AFF1: variants seen among roughly 807,000 people sequenced by gnomAD.
AFF1 encodes the protein ALF transcription elongation factor 1, also known as AF4/FMR2 family member 1.
AFF1 carries 48 observed loss-of-function variants against 121.7 expected under a neutral mutation model. The ratio of observed to expected loss-of-function variants is 0.39; its 90% CI spans 0.31 to 0.50. The LOEUF is 0.50. AFF1 is among the 20% of genes least tolerant of loss of function. The pLI, the probability that AFF1 is intolerant of heterozygous loss-of-function variation, is 0.76. For synonymous variants in AFF1, 613 were observed against 563.0 expected (o/e 1.09, Z -1.26); for missense variants, 1,523 against 1,511.7 (o/e 1.01, Z -0.12).
At chr4:87,069,668 C>G (rs889092608) in intron 4 of AFF1, among the ~76,000 whole-genome samples, 12 of 149,928 alleles carry the variant, frequency 8.0e-5, no homozygotes, top group African/African-American at 2.3e-4. Context: ...TCCTTTCTTT[C>G]ATTTTACTGA....
Position 87,126,224 on chromosome 4 carries a change from G to C in AFF1, c.2699G>C (p.Gly900Ala). 2 of 1,614,100 alleles carry C rather than the reference G, an allele frequency of 1.2e-6. No homozygotes were observed. Among genetic ancestry groups the C allele is most frequent in the Non-Finnish European group, 1.7e-6 (2 of 1,180,012 alleles). ...KRSRREADTC[G>A]QDPPKSASST... is the part of the protein sequence containing the mutation. ...TCAAGGCGGGAAGCAGACACCTGTG[G>C]CCAGGACCCTCCCAAAAGTGCCAGC... Residue 900 changes from glycine (G) to alanine (A), a missense_variant, in exon 14 of 21, where the codon GGC becomes GCC. Physicochemically the swap from Gly to Ala is moderately conservative, Grantham distance 60. Coordinates refer to ENST00000395146, the MANE Select transcript of AFF1 (RefSeq NM_001166693.3).
intron 11 of AFF1, 40 bp from the exon 12 acceptor site, chr4:87,114,327 A>G: frequency 6.6e-7 from 1 of 1,518,392 alleles, no homozygotes. Context: ...ATTTGTCATC[A>G]ATGGTCAGTT....
At chr4:87,007,326 A>ATGGTGAGCG (rs1387905347) in intron 2 of AFF1, 1 of 1,604,978 alleles carries the variant, frequency 6.2e-7, no homozygotes, top group Non-Finnish European at 8.5e-7. Flanking sequence ...GCTCCGCCAA[A>ATGGTGAGCG]TGGTGAGCGC....
intron 2 of AFF1, among the ~76,000 whole-genome samples, chr4:87,043,127 A>G (rs1487905455): frequency 6.6e-6 from 1 of 152,196 alleles, no homozygotes; most frequent in Non-Finnish European, 1.5e-5. Context: ...CAAAGGTAGC[A>G]TTTATTTAGA....
At chr4:86,950,254 C>T in intron 2 of AFF1, 3 of 784,066 alleles carry the variant, frequency 3.8e-6, no homozygotes, top group South Asian at 3.0e-5. Context: ...TCTTGGCTCA[C>T]TGCAACCTCT....
At position 87,069,816 on chromosome 4, in the gene AFF1, A is replaced by ATTTT. The variant is rs751029258; in HGVS notation, c.1060-14287_1060-14284dup. Among the ~76,000 whole-genome samples the ATTTT allele has an allele frequency of 3.1e-4, 37 of 121,290 alleles. 1 individual carries two copies. The highest frequency in any genetic ancestry group is 4.2e-4 in the Non-Finnish European group (25 of 60,240). The allele number at this position is 121,290 out of a possible 152,430, so 79.6% of individuals were successfully genotyped here. On this transcript the variant is annotated intron_variant, in intron 4 of 20. Transcript: ENST00000395146. ...AATAAGGTATTCCTTATCACTCAGG[A>ATTTT]TTTTTTTTTTTTTTTTTTTTGAGAC...
At position 87,131,947 on chromosome 4, in the gene AFF1, C is replaced by T. The variant is rs563327897; in HGVS notation, c.3173+83C>T. On this transcript the variant is annotated intron_variant, in intron 18 of 20. Coordinates refer to ENST00000395146, the MANE Select transcript of AFF1 (RefSeq NM_001166693.3). ...ACAAAAAGATTCTGAAATTTGTTTT[C>T]TTAATGTGAAAATTATGAAAAGCAA... 2.5e-6 allele frequency: 3 copies of T among 1,218,978 alleles called. No individual in the cohort carries two copies. The South Asian group carries it at 4.9e-5, about 20-fold the overall frequency. 75.5% of individuals were successfully genotyped at this position (1,218,978 alleles called of 1,614,324 possible). A position where few individuals can be genotyped will look rare whatever the true frequency, so the allele number is the denominator to read the frequency against.
chr4:87,124,909 G>C lies in AFF1; in HGVS notation c.2467-128G>C, dbSNP rs541564776. 6 of 606,456 alleles carry C rather than the reference G, an allele frequency of 9.9e-6. No homozygotes were observed. The Admixed American group carries it at 1.6e-4, about 17-fold the overall frequency. The allele number at this position is 606,456 out of a possible 1,614,324, so 37.6% of individuals were successfully genotyped here. ...AGACACACATGGTAAGTACTAAGAAGGTTGCTGTGCGTACAGAGATGTCTC... is the reference window on the plus strand; with the variant it reads ...AGACACACATGGTAAGTACTAAGAACGTTGCTGTGCGTACAGAGATGTCTC... On this transcript the variant is annotated intron_variant, in intron 12 of 20. Coordinates refer to ENST00000395146, the MANE Select transcript of AFF1 (RefSeq NM_001166693.3).
At chr4:87,098,404 C>T (rs1379847812) in intron 8 of AFF1, among the ~76,000 whole-genome samples, 3 of 152,130 alleles carry the variant, frequency 2.0e-5, no homozygotes, top group Non-Finnish European at 4.4e-5. Flanking sequence ...AATCCTCTTC[C>T]TTTCCAAGGC....
At chr4:86,988,380 CTT>C (rs113067662) in intron 2 of AFF1, among the ~76,000 whole-genome samples, 1 of 147,816 alleles carries the variant, frequency 6.8e-6, no homozygotes, top group South Asian at 2.1e-4. Flanking sequence ...GTTAGATCAA[CTT>C]TTTTTTTTTA....
intron 4 of AFF1, chr4:87,048,138 T>G (rs754762452): frequency 6.4e-6 from 1 of 156,916 alleles, no homozygotes. Flanking sequence ...TAGAAGGACT[T>G]GTTCCCTGTA....
intron 2 of AFF1, among the ~76,000 whole-genome samples, chr4:87,022,716 GTGTATATA>G: frequency 6.8e-6 from 1 of 146,332 alleles, no homozygotes; most frequent in Non-Finnish European, 1.5e-5. Context: ...ATATATCTGT[GTGTATATA>G]TGTATATATA....
intron 2 of AFF1, among the ~76,000 whole-genome samples, chr4:86,983,675 C>T (rs1444994606): frequency 6.6e-6 from 1 of 151,874 alleles, no homozygotes; most frequent in Non-Finnish European, 1.5e-5. Flanking sequence ...CGCCTCTGCA[C>T]TCTAGCCTGG....
At chr4:86,951,615 C>CTTTTTTCT (rs1721324586) in intron 2 of AFF1, among the ~76,000 whole-genome samples, 115 of 124,942 alleles carry the variant, frequency 9.2e-4, no homozygotes, top group African/African-American at 3.7e-3. Context: ...TTTCTTTTTT[C>CTTTTTTCT]TTTTTTTCTT....
At chr4:87,000,416 GT>G (rs1322917140) in intron 2 of AFF1, among the ~76,000 whole-genome samples, 12 of 152,268 alleles carry the variant, frequency 7.9e-5, no homozygotes, top group Non-Finnish European at 1.0e-4. Context: ...GGAAAAAGTG[GT>G]AAAATCAAAA....
At chr4:87,030,546 T>G (rs1728970312) in intron 2 of AFF1, among the ~76,000 whole-genome samples, 1 of 152,198 alleles carries the variant, frequency 6.6e-6, no homozygotes, top group African/African-American at 2.4e-5. Context: ...CCTTCTTTAA[T>G]TTTACTTACA....
chr4:87,102,171 A>G (rs1462282234), intron 8 of AFF1, among the ~76,000 whole-genome samples: 1 of 152,222 alleles, frequency 6.6e-6, no homozygotes, highest in East Asian at 1.9e-4. Context: ...ACATGTAAAG[A>G]GTTGCTTTAC....
chr4:87,076,117 G>C (rs974090994), intron 4 of AFF1, among the ~76,000 whole-genome samples: 2 of 152,074 alleles, frequency 1.3e-5, no homozygotes, highest in Non-Finnish European at 2.9e-5. Context: ...CCAGAAAAGG[G>C]CAGCCAGTGG....
chr4:87,054,496 T>G (rs1719893531), intron 4 of AFF1, among the ~76,000 whole-genome samples: 1 of 152,210 alleles, frequency 6.6e-6, no homozygotes, highest in South Asian at 2.1e-4. Flanking sequence ...TATGACACAA[T>G]CTTATCTAGC....
Sources: gnomAD v4.1 joint callset for allele counts (sites outside exome capture counted in the v4.1 genomes callset) on GRCh38, gnomAD v4.1.1 for gene constraint, MANE v1.5 for transcripts, NCBI Gene and HGNC (gene_info 2026-07-23, HGNC 2026-07-21) for gene names.